Variants in C5orf46 observed in about 807,000 individuals in gnomAD.
C5orf46 encodes the protein chromosome 5 open reading frame 46.
A neutral mutation model predicts 8.9 loss-of-function variants in C5orf46; 9 were observed. That is an observed-to-expected ratio of 1.01 (90% confidence interval 0.61 to 1.76). The LOEUF (loss-of-function observed/expected upper bound fraction) is 1.76. C5orf46 is among the 40% of genes most tolerant of loss of function. C5orf46 has a pLI of 0.00. For missense variants in C5orf46, 98 were observed against 107.8 expected (o/e 0.91, Z 0.40); for synonymous variants, 47 against 41.4 (o/e 1.14, Z -0.52).
At chr5:147,895,568 A>G (rs954614464) in intron 3 of C5orf46, among the ~76,000 whole-genome samples, 1 of 152,132 alleles carries the variant, frequency 6.6e-6, no homozygotes, top group Non-Finnish European at 1.5e-5. Flanking sequence ...CATCTTGTCT[A>G]TGTCTTCTGT....
downstream of C5orf46, among the ~76,000 whole-genome samples, chr5:147,888,683 C>T (rs1006463187): frequency 3.3e-5 from 5 of 152,090 alleles, no homozygotes; most frequent in African/African-American, 1.2e-4. Context: ...TGACAGCTTC[C>T]AAGAGAACCA....
intron 2 of C5orf46, chr5:147,886,327 G>T (rs538131424): frequency 1.3e-5 from 2 of 152,014 alleles, no homozygotes; most frequent in Non-Finnish European, 2.9e-5. Flanking sequence ...TACCATTGGA[G>T]GAAACTTGGT....
At chr5:147,901,461 A>T in intron 2 of C5orf46, 168 bp downstream of exon 2, 1 of 577,786 alleles carries the variant, frequency 1.7e-6, no homozygotes, top group Non-Finnish European at 2.9e-6. Context: ...AGGGCAGTTG[A>T]TTCAGATGCA....
At chr5:147,905,004 T>C (rs1757728837) in intron 1 of C5orf46, among the ~76,000 whole-genome samples, 1 of 151,530 alleles carries the variant, frequency 6.6e-6, no homozygotes, top group Non-Finnish European at 1.5e-5. Flanking sequence ...TTAATAATAA[T>C]AGCAGCAAAA....
downstream of C5orf46, among the ~76,000 whole-genome samples, chr5:147,889,946 G>A (rs1757478165): frequency 6.6e-6 from 1 of 152,198 alleles, no homozygotes; most frequent in African/African-American, 2.4e-5. Flanking sequence ...ATCCTTGAAT[G>A]TCAAGCATTG....
chr5:147,901,880 T>C, intron 1 of C5orf46, 107 bp from the exon 2 acceptor site: 1 of 1,162,692 alleles, frequency 8.6e-7, no homozygotes, highest in Non-Finnish European at 1.2e-6. Flanking sequence ...ACAAATTTCA[T>C]AGCCTTATAT....
chr5:147,898,349 G>A (rs115045567), intron 2 of C5orf46, among the ~76,000 whole-genome samples: 1 of 152,142 alleles, frequency 6.6e-6, no homozygotes, highest in African/African-American at 2.4e-5. Flanking sequence ...TGAAGGTGAT[G>A]ATGAGCAGGA....
chr5:147,904,615 G>A lies in C5orf46; in HGVS notation c.70+1817C>T, dbSNP rs375834218. Among the ~76,000 whole-genome samples, 12 of 152,086 alleles carry A rather than the reference G, an allele frequency of 7.9e-5. 1 individual carries two copies. The highest frequency in any genetic ancestry group is 2.2e-4 in the African/African-American group (9 of 41,512). On this transcript the variant is annotated intron_variant, in intron 1 of 3. Coordinates refer to ENST00000318315, the MANE Select transcript of C5orf46 (RefSeq NM_206966.3). Reference sequence around the variant, plus strand: ...CAAGAAGCCTGGGATTGGAGTGGGCGGAAATCAAAATCTTGGCCTTAGCTT... The same window carrying A: ...CAAGAAGCCTGGGATTGGAGTGGGCAGAAATCAAAATCTTGGCCTTAGCTT...
intron 3 of C5orf46, among the ~76,000 whole-genome samples, chr5:147,893,281 C>CTT (rs768391434): frequency 2.3e-4 from 29 of 127,640 alleles, no homozygotes; most frequent in South Asian, 2.5e-4. Context: ...TCACATAAAT[C>CTT]TTTTTTTTTT....
intron 3 of C5orf46, among the ~76,000 whole-genome samples, chr5:147,894,348 T>C (rs1757547909): frequency 6.6e-6 from 1 of 152,166 alleles, no homozygotes; most frequent in South Asian, 2.1e-4. Context: ...TTTAATTTTA[T>C]TGAAAATATT....
chr5:147,894,877 G>A, intron 3 of C5orf46, among the ~76,000 whole-genome samples: 1 of 151,828 alleles, frequency 6.6e-6, no homozygotes, highest in Admixed American at 6.6e-5. Context: ...TGGCCAACAT[G>A]GTGAAACCTC....
chr5:147,896,205 C>G (rs1021877754), intron 3 of C5orf46, among the ~76,000 whole-genome samples: 1 of 152,190 alleles, frequency 6.6e-6, no homozygotes, highest in African/African-American at 2.4e-5. Flanking sequence ...AGATACAGCA[C>G]AGGCCTTGGA....
intron 3 of C5orf46, 106 bp downstream of exon 3, chr5:147,896,878 G>A (rs1757588472): frequency 2.2e-6 from 1 of 458,404 alleles, no homozygotes; most frequent in African/African-American, 2.0e-5. Context: ...TTTTCTGCTT[G>A]TAGGTAGACA....
chr5:147,887,067 G>A (rs1274824811), intron 2 of C5orf46: 1 of 152,086 alleles, frequency 6.6e-6, no homozygotes, highest in Non-Finnish European at 1.5e-5. Context: ...GGAGGGTCAA[G>A]CCATGCAAGG....
chr5:147,890,872 T>A (rs974595108), downstream of C5orf46, among the ~76,000 whole-genome samples: 4 of 152,204 alleles, frequency 2.6e-5, no homozygotes, highest in African/African-American at 9.7e-5. Flanking sequence ...AATGAAGTGT[T>A]TGTTTCAAAT....
intron 3 of C5orf46, among the ~76,000 whole-genome samples, chr5:147,894,435 G>A (rs2127125773): frequency 6.6e-6 from 1 of 152,164 alleles, no homozygotes; most frequent in Non-Finnish European, 1.5e-5. Flanking sequence ...TTCGGTTATT[G>A]GATATTTTTC....
downstream of C5orf46, among the ~76,000 whole-genome samples, chr5:147,887,898 A>G (rs1420638550): frequency 6.6e-6 from 1 of 152,172 alleles, no homozygotes; most frequent in East Asian, 1.9e-4. Flanking sequence ...GCTTCTTCAA[A>G]GAACTGAAAC....
intron 2 of C5orf46, among the ~76,000 whole-genome samples, chr5:147,897,248 C>A (rs6881482): frequency 0.034 from 5,233 of 152,190 alleles, 292 homozygotes; most frequent in African/African-American, 0.12. Flanking sequence ...TGCCAACAAA[C>A]CCATTAGTTA....
At chr5:147,895,717 G>A (rs932184882) in intron 3 of C5orf46, among the ~76,000 whole-genome samples, 1 of 152,138 alleles carries the variant, frequency 6.6e-6, no homozygotes. Context: ...CAAAGTATTA[G>A]GACACCTGCA....
Sources: allele counts gnomAD v4.1 joint callset (sites outside exome capture counted in the v4.1 genomes callset), GRCh38; gene constraint gnomAD v4.1.1; transcripts MANE v1.5; gene names NCBI Gene and HGNC (gene_info 2026-07-23, HGNC 2026-07-21).